NRXN3: variants seen among roughly 807,000 people sequenced by gnomAD.
NRXN3 encodes the protein neurexin III.
NRXN3 carries 32 observed loss-of-function variants against 137.6 expected under a neutral mutation model. The observed-to-expected ratio is 0.23, with a 90% CI of 0.18 to 0.31. NRXN3 has a LOEUF of 0.31. NRXN3 is among the 10% of genes least tolerant of loss of function. The pLI, the probability that NRXN3 is intolerant of heterozygous loss-of-function variation, is 1.00. For missense variants in NRXN3, 1,574 were observed against 2,062.5 expected (o/e 0.76, Z 4.59); for synonymous variants, 798 against 784.5 (o/e 1.02, Z -0.29).
chr14:79,277,126 A>C (rs1387551192), intron 15 of NRXN3, among the ~76,000 whole-genome samples: 1 of 152,158 alleles, frequency 6.6e-6, no homozygotes, highest in African/African-American at 2.4e-5. Flanking sequence ...AGGACCAGAG[A>C]GGGTCTCTGA....
intron 15 of NRXN3, among the ~76,000 whole-genome samples, chr14:79,349,856 A>G (rs974378383): frequency 6.6e-6 from 1 of 152,162 alleles, no homozygotes; most frequent in South Asian, 2.1e-4. Context: ...AGAAGATGCC[A>G]TAGGCAAACC....
At chr14:78,387,620 ACAAT>A (rs1291096461) in intron 4 of NRXN3, among the ~76,000 whole-genome samples, 1 of 152,196 alleles carries the variant, frequency 6.6e-6, no homozygotes, top group Non-Finnish European at 1.5e-5. Context: ...GGGAATGAAG[ACAAT>A]CAGTCAATGA....
At chr14:79,422,082 CAG>C (rs1346214310) in intron 15 of NRXN3, among the ~76,000 whole-genome samples, 10 of 152,136 alleles carry the variant, frequency 6.6e-5, no homozygotes, top group Non-Finnish European at 1.2e-4. Context: ...TTATCTGAGA[CAG>C]AGTCTTGCTT....
intron 4 of NRXN3, chr14:78,300,803 T>A: frequency 4.2e-6 from 3 of 706,566 alleles, no homozygotes; most frequent in Non-Finnish European, 7.0e-6. Flanking sequence ...AATTAATGCT[T>A]TTAACAACAA....
At chr14:78,986,172 C>T (rs372969697) in intron 14 of NRXN3, among the ~76,000 whole-genome samples, 2 of 152,064 alleles carry the variant, frequency 1.3e-5, no homozygotes, top group African/African-American at 2.4e-5. Flanking sequence ...GTGAGGCTTA[C>T]GTTAGAAACT....
At chr14:79,767,366 G>C (rs906889126) in intron 19 of NRXN3, among the ~76,000 whole-genome samples, 1 of 152,126 alleles carries the variant, frequency 6.6e-6, no homozygotes, top group Admixed American at 6.5e-5. Flanking sequence ...GCCTATTAAT[G>C]TTCTTATTTC....
chr14:78,562,808 C>T (rs1238116275), intron 4 of NRXN3, among the ~76,000 whole-genome samples: 1 of 152,116 alleles, frequency 6.6e-6, no homozygotes, highest in Non-Finnish European at 1.5e-5. Context: ...GATAGATAAC[C>T]ATAATAGAAA....
intron 15 of NRXN3, among the ~76,000 whole-genome samples, chr14:79,315,407 A>T (rs1369642279): frequency 6.6e-6 from 1 of 152,204 alleles, no homozygotes; most frequent in Non-Finnish European, 1.5e-5. Context: ...ATCCTATTCG[A>T]AAAAAGAAAA....
intron 15 of NRXN3, among the ~76,000 whole-genome samples, chr14:78,995,335 C>T (rs2099527712): frequency 6.6e-6 from 1 of 152,160 alleles, no homozygotes. Context: ...TTTTCATTCT[C>T]TGTTGACCTA....
chr14:79,147,091 A>T (rs913327448), intron 15 of NRXN3, among the ~76,000 whole-genome samples: 1 of 152,144 alleles, frequency 6.6e-6, no homozygotes, highest in Admixed American at 6.5e-5. Context: ...AAGACATCCA[A>T]ATGGGTGTAA....
At chr14:79,207,432 A>C (rs72688950) in intron 15 of NRXN3, among the ~76,000 whole-genome samples, 13,987 of 152,256 alleles carry the variant, frequency 0.092, 820 homozygotes, top group Non-Finnish European at 0.13. Context: ...TGAAGTAGGA[A>C]TAGCAAGCAT....
chr14:79,774,354 T>C (rs770146324), intron 19 of NRXN3, among the ~76,000 whole-genome samples: 85 of 152,252 alleles, frequency 5.6e-4, no homozygotes, highest in Middle Eastern at 3.4e-3. Context: ...AATGGTAATA[T>C]CATCCAGCAC....
At chr14:79,791,675 T>C (rs564066867) in intron 19 of NRXN3, among the ~76,000 whole-genome samples, 1 of 151,978 alleles carries the variant, frequency 6.6e-6, no homozygotes, top group Non-Finnish European at 1.5e-5. Flanking sequence ...GGGCACAAGC[T>C]GATTGCTGCA....
intron 15 of NRXN3, among the ~76,000 whole-genome samples, chr14:79,220,029 T>C (rs2069262476): frequency 6.6e-6 from 1 of 152,182 alleles, no homozygotes; most frequent in Non-Finnish European, 1.5e-5. Context: ...TTTATAATTA[T>C]GGCAATGGGT....
chr14:79,463,771 G>A (rs1257115945), intron 15 of NRXN3, among the ~76,000 whole-genome samples: 1 of 152,056 alleles, frequency 6.6e-6, no homozygotes, highest in Non-Finnish European at 1.5e-5. Context: ...ACTGAACACG[G>A]TGAGAAACCA....
intron 2 of NRXN3, among the ~76,000 whole-genome samples, chr14:78,273,310 T>C (rs1285032803): frequency 6.6e-6 from 1 of 152,168 alleles, no homozygotes; most frequent in Admixed American, 6.5e-5. Flanking sequence ...GTAAAATGAG[T>C]GTGGTAATAG....
At chr14:79,400,469 A>G (rs913651446) in intron 15 of NRXN3, among the ~76,000 whole-genome samples, 3 of 152,166 alleles carry the variant, frequency 2.0e-5, no homozygotes, top group Admixed American at 6.5e-5. Flanking sequence ...CATTGTATAG[A>G]TGGGAAACTA....
chr14:78,873,950 C>A (rs1267512284), intron 10 of NRXN3, among the ~76,000 whole-genome samples: 1 of 151,504 alleles, frequency 6.6e-6, no homozygotes, highest in East Asian at 1.9e-4. Flanking sequence ...ATCATAGGCA[C>A]CATGTGAAGT....
intron 15 of NRXN3, among the ~76,000 whole-genome samples, chr14:79,164,834 T>C (rs1208302116): frequency 6.6e-6 from 1 of 152,018 alleles, no homozygotes; most frequent in Non-Finnish European, 1.5e-5. Context: ...ATTTTATGGT[T>C]TCTTTCTCTA....
Sources: gnomAD v4.1 joint callset for allele counts (sites outside exome capture counted in the v4.1 genomes callset) on GRCh38, gnomAD v4.1.1 for gene constraint, MANE v1.5 for transcripts, NCBI Gene and HGNC (gene_info 2026-07-23, HGNC 2026-07-21) for gene names.